The following LHFPL3 variants were observed in gnomAD, a reference collection of about 807,000 sequenced individuals.
The protein encoded by LHFPL3 is LHFPL tetraspan subfamily member 3 protein.
A neutral mutation model predicts 19.3 loss-of-function variants in LHFPL3; 5 were observed. The ratio of observed to expected loss-of-function variants is 0.26; its 90% CI spans 0.14 to 0.54. The LOEUF is 0.54. Ranked by LOEUF, LHFPL3 falls within the 20% of genes least tolerant of loss-of-function variation. The pLI, the probability that LHFPL3 is intolerant of heterozygous loss-of-function variation, is 0.94. For missense variants in LHFPL3, 249 were observed against 307.4 expected (o/e 0.81, Z 1.42); for synonymous variants, 133 against 126.2 (o/e 1.05, Z -0.36).
At chr7:104,601,605 G>A (rs1004803366) in intron 1 of LHFPL3, among the ~76,000 whole-genome samples, 2 of 152,150 alleles carry the variant, frequency 1.3e-5, no homozygotes, top group Non-Finnish European at 2.9e-5. Context: ...AATGTGAATG[G>A]CCAGAGCAGC....
chr7:104,712,187 G>C (rs1793310935), intron 1 of LHFPL3, among the ~76,000 whole-genome samples: 1 of 152,184 alleles, frequency 6.6e-6, no homozygotes, highest in African/African-American at 2.4e-5. Context: ...GATGATATGT[G>C]AAAAGGACTC....
At chr7:104,639,004 A>G (rs966962044) in intron 1 of LHFPL3, among the ~76,000 whole-genome samples, 1 of 151,498 alleles carries the variant, frequency 6.6e-6, no homozygotes, top group Non-Finnish European at 1.5e-5. Context: ...AGCTCAAGTG[A>G]TCCTCCCCAC....
intron 1 of LHFPL3, among the ~76,000 whole-genome samples, chr7:104,562,089 G>A (rs1221814376): frequency 6.6e-5 from 10 of 151,866 alleles, no homozygotes; most frequent in South Asian, 4.2e-4. Flanking sequence ...AGGGTAACCC[G>A]ACCTTTCTCT....
At chr7:104,584,334 G>A (rs953289376) in intron 1 of LHFPL3, among the ~76,000 whole-genome samples, 2 of 152,078 alleles carry the variant, frequency 1.3e-5, no homozygotes, top group Non-Finnish European at 2.9e-5. Context: ...GGGAGGGATA[G>A]CATTAGGAGA....
Position 104,399,776 on chromosome 7 carries a change from G to A in LHFPL3, c.445+70552G>A, listed in dbSNP as rs983378287. ...TGTAAGCCACTGCGCCCGGCCATAT[G>A]TTCTTCTGTCCTTAAGGTAATTATG... On this transcript the variant is annotated intron_variant, in intron 1 of 2. Coordinates refer to ENST00000424859, the MANE Select transcript of LHFPL3 (RefSeq NM_199000.3). This position sits in a 1 kb window ranked among gnomAD's most constrained non-coding sequence, Gnocchi z 4.4. 9.3e-5 allele frequency among the ~76,000 whole-genome samples: 14 copies of A among 151,016 alleles called. No homozygotes were observed. Among genetic ancestry groups the A allele is most frequent in the African/African-American group, 3.4e-4 (14 of 41,018 alleles).
intron 1 of LHFPL3, among the ~76,000 whole-genome samples, chr7:104,570,982 A>G (rs1238410259): frequency 6.6e-6 from 1 of 152,200 alleles, no homozygotes; most frequent in Admixed American, 6.5e-5. Context: ...ACATTTTCCT[A>G]TTACTCAAAC....
At chr7:104,890,812 G>A (rs931022324) in intron 2 of LHFPL3, among the ~76,000 whole-genome samples, 2 of 152,242 alleles carry the variant, frequency 1.3e-5, no homozygotes, top group Middle Eastern at 3.4e-3. Context: ...TCCCGGGAGG[G>A]GGCTATGAAG....
At chr7:104,769,653 C>T (rs1005360782) in intron 2 of LHFPL3, among the ~76,000 whole-genome samples, 4 of 149,570 alleles carry the variant, frequency 2.7e-5, no homozygotes, top group South Asian at 2.1e-4. Context: ...TGTTCCCCTC[C>T]CTGTGTCCAT....
chr7:104,623,684 C>T (rs527671753), intron 1 of LHFPL3, among the ~76,000 whole-genome samples: 10 of 122,746 alleles, frequency 8.1e-5, no homozygotes, highest in African/African-American at 3.0e-4. Flanking sequence ...CTTTTTCAAA[C>T]ATAACTACCA....
chr7:104,862,827 G>A (rs1360345611), intron 2 of LHFPL3, among the ~76,000 whole-genome samples: 1 of 152,198 alleles, frequency 6.6e-6, no homozygotes, highest in East Asian at 1.9e-4. Context: ...CATTCCACGG[G>A]AGAGTCAAAG....
In LHFPL3 at chr7:104,668,365, A is replaced by T; in HGVS notation, c.446-68310A>T. 1.9e-6 allele frequency: 3 copies of T among 1,594,602 alleles called. No individual in the cohort carries two copies. In the South Asian group the frequency reaches 3.3e-5, roughly 18 times the overall value. ...GACTGGAGGGCTCGTCCTGCTACAGACACCTTTGATGACTACCCACCTAGA... is the reference window on the plus strand; with the variant it reads ...GACTGGAGGGCTCGTCCTGCTACAGTCACCTTTGATGACTACCCACCTAGA... On this transcript the variant is annotated intron_variant, in intron 1 of 2. Coordinates refer to ENST00000424859, the MANE Select transcript of LHFPL3 (RefSeq NM_199000.3).
Position 104,436,503 on chromosome 7 carries a change from T to C in LHFPL3, c.445+107279T>C, listed in dbSNP as rs1038169289. Among the ~76,000 whole-genome samples the C allele has an allele frequency of 3.9e-5, 6 of 152,350 alleles. No individual in the cohort carries two copies. The East Asian group carries it at 9.6e-4, about 24-fold the overall frequency. Reference sequence around the variant, plus strand: ...GATAGCATATCCCATCAGTTCTTTTTGCTACCAGTGACAGCAGTATGATTG... The same window carrying C: ...GATAGCATATCCCATCAGTTCTTTTCGCTACCAGTGACAGCAGTATGATTG... On this transcript the variant is annotated intron_variant, in intron 1 of 2. Coordinates refer to ENST00000424859, the MANE Select transcript of LHFPL3 (RefSeq NM_199000.3).
chr7:104,527,507 G>C (rs1317207103), intron 1 of LHFPL3, among the ~76,000 whole-genome samples: 1 of 152,200 alleles, frequency 6.6e-6, no homozygotes, highest in Non-Finnish European at 1.5e-5. Context: ...GTTTCTGCAA[G>C]AAGAGGGGAG....
chr7:104,631,020 T>G (rs2099560417), intron 1 of LHFPL3, among the ~76,000 whole-genome samples: 1 of 152,108 alleles, frequency 6.6e-6, no homozygotes, highest in South Asian at 2.1e-4. Flanking sequence ...AAATCTGCCT[T>G]TCAGAACTTG....
At chr7:104,466,224 G>A (rs1289145921) in intron 1 of LHFPL3, among the ~76,000 whole-genome samples, 1 of 152,152 alleles carries the variant, frequency 6.6e-6, no homozygotes, top group Non-Finnish European at 1.5e-5. Context: ...GGTATTGAAA[G>A]TGTGCAAAAA....
At chr7:104,570,275 A>T (rs1790208311) in intron 1 of LHFPL3, among the ~76,000 whole-genome samples, 1 of 152,174 alleles carries the variant, frequency 6.6e-6, no homozygotes, top group African/African-American at 2.4e-5. Context: ...AGCATTGCTT[A>T]CACCCCTCCT....
At chr7:104,716,119 AG>A (rs1793381709) in intron 1 of LHFPL3, among the ~76,000 whole-genome samples, 2 of 151,992 alleles carry the variant, frequency 1.3e-5, no homozygotes, top group South Asian at 4.1e-4. Flanking sequence ...GAGGCCGAGG[AG>A]GGTGGATCAC....
chr7:104,671,375 T>TC (rs1024653996), intron 1 of LHFPL3, among the ~76,000 whole-genome samples: 7 of 151,784 alleles, frequency 4.6e-5, no homozygotes, highest in Admixed American at 1.3e-4. Flanking sequence ...CCCTACCTTG[T>TC]CCCCCCCATT....
At chr7:104,561,722 A>G (rs1790007807) in intron 1 of LHFPL3, among the ~76,000 whole-genome samples, 1 of 152,056 alleles carries the variant, frequency 6.6e-6, no homozygotes, top group South Asian at 2.1e-4. Context: ...TGATCCTGTC[A>G]TTATGATGTT....
Sources: gnomAD v4.1 joint callset for allele counts (sites outside exome capture counted in the v4.1 genomes callset) on GRCh38, gnomAD v4.1.1 for gene constraint, Gnocchi (gnomAD v3.1) non-coding constraint, MANE v1.5 for transcripts, NCBI Gene and HGNC (gene_info 2026-07-23, HGNC 2026-07-21) for gene names.